SRM: variants seen among roughly 807,000 people sequenced by gnomAD.
SRM encodes the protein spermidine synthase, also known as putrescine aminopropyltransferase.
In SRM, 14 loss-of-function variants were observed where a neutral mutation model predicts 39.3. That is an observed-to-expected ratio of 0.36 (90% CI 0.24 to 0.56). The LOEUF (loss-of-function observed/expected upper bound fraction) is 0.56, where lower values mean the gene tolerates loss of function less well. Ranked by LOEUF, SRM falls within the 20% of genes least tolerant of loss-of-function variation. The pLI is 0.86. For synonymous variants in SRM, 195 were observed against 173.1 expected, an observed-to-expected ratio of 1.13 and a Z score of -0.99; for missense variants, 244 against 409.2, an observed-to-expected ratio of 0.60 and a Z score of 3.48.
Position 11,056,058 on chromosome 1 carries a change from T to C in SRM, c.572A>G (p.Gln191Arg). 6.2e-7 allele frequency: 1 copy of C among 1,612,420 alleles called. No individual in the cohort carries two copies. Among genetic ancestry groups the C allele is most frequent in the Non-Finnish European group, 8.5e-7 (1 of 1,179,290 alleles). Residue 191 changes from glutamine (Q) to arginine (R), a missense_variant, in exon 5 of 8, where the codon CAG (glutamine) becomes CGG (arginine). Physicochemically the swap from Gln to Arg is conservative, Grantham distance 43. Transcript: ENST00000376957. ...TTCCTTGAGGGCTGTCTTCATGAGC[T>C]GGTAATAGGACTCCTTGAAGAGACT... ...AESLFKESYY[Q>R]LMKTALKEDG... is the part of the protein sequence containing the mutation.
chr1:11,059,133 T>G, intron 2 of SRM, 92 bp downstream of exon 2: 2 of 1,590,112 alleles, frequency 1.3e-6, no homozygotes, highest in Non-Finnish European at 8.6e-7. Flanking sequence ...TAGCACTTTC[T>G]CTGACAACCA....
intron 2 of SRM, 105 bp downstream of exon 2, chr1:11,059,120 C>T (rs743576): frequency 0.053 from 83,967 of 1,573,986 alleles, 5,782 homozygotes; most frequent in African/African-American, 0.25. Context: ...CCCCTGGCCT[C>T]GCTAGCACTT....
At chr1:11,059,124 A>G in intron 2 of SRM, 101 bp downstream of exon 2, 1 of 1,580,476 alleles carries the variant, frequency 6.3e-7, no homozygotes, top group Non-Finnish European at 8.6e-7. Context: ...TGGCCTCGCT[A>G]GCACTTTCTC....
At position 11,056,111 on chromosome 1, in the gene SRM, G is replaced by C. The variant is rs748291942; in HGVS notation, c.536-17C>G. On this transcript the variant is annotated splice_polypyrimidine_tract_variant and intron_variant, in intron 4 of 7. Transcript: ENST00000376957. ...CGGCGGGGCCTGGGGAAGACAGAGGGAGACACACTGAACAGTCTGGCTGTG... is the reference window on the plus strand; with the variant it reads ...CGGCGGGGCCTGGGGAAGACAGAGGCAGACACACTGAACAGTCTGGCTGTG... 6.3e-7 allele frequency: 1 copy of C among 1,595,880 alleles called. No homozygotes were observed. The highest frequency in any genetic ancestry group is 1.7e-5 in the Admixed American group (1 of 58,084).
Position 11,054,621 on chromosome 1 carries a change from G to A in SRM, c.*244C>T, listed in dbSNP as rs1461670581. ...TAAATACACGTGTTTGGTGAGTGAG[G>A]GGCAACAGAAGGCAGAGAGATGGCG... On this transcript the variant is annotated 3_prime_UTR_variant, in exon 8 of 8. Transcript: ENST00000376957. This position sits in a 1 kb window ranked among gnomAD's most constrained non-coding sequence, Gnocchi z 4.8. 3 of 554,980 alleles carry A rather than the reference G, an allele frequency of 5.4e-6. No homozygotes were observed. Among genetic ancestry groups the A allele is most frequent in the Non-Finnish European group, 9.3e-6 (3 of 321,048 alleles). The allele number at this position is 554,980 out of a possible 1,614,324, so 34.4% of individuals were successfully genotyped here.
rs1308534332 is a variant in SRM, at chr1:11,056,656, T to C, written c.483A>G (p.Lys161=). 1 of 1,614,100 alleles carries C rather than the reference T, an allele frequency of 6.2e-7. No individual in the cohort carries two copies. The highest frequency in any genetic ancestry group is 1.7e-5 in the Admixed American group (1 of 60,014). ...TCACGTCGAAGGCATCCTGATTCTG[T>C]TTCATGAACTCAAAACCGTCACCCA... ...LHVGDGFEFM[K]QNQDAFDVII... The change falls in exon 4 of 8, where the codon AAA becomes AAG. Residue 161 remains lysine (K), a synonymous_variant. Coordinates refer to ENST00000376957, the MANE Select transcript of SRM (RefSeq NM_003132.3).
In SRM at chr1:11,056,482, G is replaced by GA; in HGVS notation, c.535+121dup. On this transcript the variant is annotated intron_variant, in intron 4 of 7. Transcript: ENST00000376957. The stretch of plus-strand genomic sequence containing the variant: ...AGAGGGCAGGTAACAAATGAGAAGG[G>GA]AAAAGTACAGCTCTAGTTCGGGGGG... 3 of 1,256,210 alleles carry GA rather than the reference G, an allele frequency of 2.4e-6. No homozygotes were observed. In the South Asian group the frequency reaches 4.5e-5, roughly 19 times the overall value. The allele number at this position is 1,256,210 out of a possible 1,614,324, so 77.8% of individuals were successfully genotyped here.
intron 1 of SRM, 102 bp downstream of exon 1, chr1:11,059,675 G>A (rs1467197299): frequency 3.0e-6 from 4 of 1,335,520 alleles, no homozygotes; most frequent in Middle Eastern, 2.3e-4. Context: ...GGCAGGACGA[G>A]GTCCAGCCCG....
intron 1 of SRM, 22 bp downstream of exon 1, chr1:11,059,755 C>T (rs754697284): frequency 8.3e-6 from 13 of 1,570,614 alleles, no homozygotes; most frequent in African/African-American, 1.4e-5. Flanking sequence ...AGGGGGCAGG[C>T]GCCTGCGGGC....
intron 6 of SRM, among the ~76,000 whole-genome samples, chr1:11,055,474 G>C (rs539273043): frequency 1.3e-5 from 2 of 151,304 alleles, no homozygotes; most frequent in East Asian, 3.9e-4. Context: ...GAATGTAGTG[G>C]CGCAATCTCG....
At chr1:11,059,012 G>T in intron 2 of SRM, 120 bp from the exon 3 acceptor site, 1 of 1,297,896 alleles carries the variant, frequency 7.7e-7, no homozygotes, top group Non-Finnish European at 1.1e-6. Flanking sequence ...CCTCGGAAAC[G>T]CTTTCGTGCC....
chr1:11,056,906 C>T (rs954765397), intron 3 of SRM, 149 bp from the exon 4 acceptor site: 4 of 785,494 alleles, frequency 5.1e-6, no homozygotes, highest in Non-Finnish European at 7.9e-6. Flanking sequence ...GAGACAGGGT[C>T]TCACTTTGTG....
chr1:11,055,507 C>T (rs978834391), intron 6 of SRM, among the ~76,000 whole-genome samples: 3 of 151,870 alleles, frequency 2.0e-5, no homozygotes, highest in African/African-American at 7.3e-5. Flanking sequence ...CTCCGCCTCC[C>T]GGGTTCACGC....
intron 6 of SRM, 162 bp from the exon 7 acceptor site, chr1:11,055,246 C>T (rs1350753418): frequency 2.4e-5 from 25 of 1,038,838 alleles, no homozygotes; most frequent in South Asian, 1.1e-4. Context: ...GCCTCAGGTA[C>T]GCGCCACCAC....
intron 1 of SRM, 54 bp downstream of exon 1, chr1:11,059,723 G>C: frequency 6.5e-7 from 1 of 1,529,264 alleles, no homozygotes; most frequent in Middle Eastern, 1.8e-4. Flanking sequence ...GAGGCGGGCA[G>C]CAGGCGGCCC....
chr1:11,055,992 C>A lies in SRM; in HGVS notation c.619+19G>T. 1.3e-6 allele frequency: 2 copies of A among 1,563,324 alleles called. No individual in the cohort carries two copies. Among genetic ancestry groups the A allele is most frequent in the Non-Finnish European group, 1.8e-6 (2 of 1,138,244 alleles). ...TGCCCCACCCCGCCCCGCCCCAGTG[C>A]TCCAGGCCTGTGGCTCACCCTGGCA... On this transcript the variant is annotated intron_variant, in intron 5 of 7. Coordinates refer to ENST00000376957, the MANE Select transcript of SRM (RefSeq NM_003132.3).
At chr1:11,057,553 C>T (rs1036296105) in intron 3 of SRM, among the ~76,000 whole-genome samples, 3 of 149,122 alleles carry the variant, frequency 2.0e-5, no homozygotes, top group Non-Finnish European at 4.5e-5. Context: ...GAGCCACCAG[C>T]GCTTGGCCTG....
At chr1:11,055,967 TGCCCCACCCCGCCCC>T in intron 5 of SRM, 29 bp downstream of exon 5, 1 of 1,589,720 alleles carries the variant, frequency 6.3e-7, no homozygotes, top group Non-Finnish European at 8.6e-7. Flanking sequence ...GGGCCTGCCC[TGCCCCACCCCGCCCC>T]GCCCCAGTGC....
Position 11,054,777 on chromosome 1 carries a change from G to A in SRM, c.*88C>T. On this transcript the variant is annotated 3_prime_UTR_variant, in exon 8 of 8. Coordinates refer to ENST00000376957, the MANE Select transcript of SRM (RefSeq NM_003132.3). The surrounding 1 kb of genome is among the most constrained non-coding windows in gnomAD (Gnocchi z 4.8). ...TTGGTTGGTGGGCGAGAGCCAGCAG[G>A]AGGTCCGGCCCGGGGCTGGAGGGGC... The A allele has an allele frequency of 6.7e-7, 1 of 1,500,436 alleles. No individual in the cohort carries two copies. Among genetic ancestry groups the A allele is most frequent in the Middle Eastern group, 2.5e-4 (1 of 3,974 alleles). The allele number at this position is 1,500,436 out of a possible 1,614,324, so 92.9% of individuals were successfully genotyped here.
Sources: gnomAD v4.1 joint callset for allele counts (sites outside exome capture counted in the v4.1 genomes callset) on GRCh38, gnomAD v4.1.1 for gene constraint, Gnocchi (gnomAD v3.1) non-coding constraint, MANE v1.5 for transcripts, NCBI Gene and HGNC (gene_info 2026-07-23, HGNC 2026-07-21) for gene names.